Variants in RAB2A observed in about 807,000 individuals in gnomAD.
RAB2A encodes the protein ras-related protein Rab-2A.
In RAB2A, 7 loss-of-function variants were observed where a neutral mutation model predicts 32.5. The ratio of observed to expected loss-of-function variants is 0.22; its 90% confidence interval spans 0.12 to 0.40. The LOEUF is 0.40. RAB2A is among the 10% of genes least tolerant of loss of function. The pLI is 1.00. For missense variants in RAB2A, 108 were observed against 260.7 expected (o/e 0.41, Z 4.03); for synonymous variants, 79 against 85.2 (o/e 0.93, Z 0.40).
chr8:60,583,103 G>A (rs1248664335), intron 3 of RAB2A, among the ~76,000 whole-genome samples: 1 of 150,518 alleles, frequency 6.6e-6, no homozygotes, highest in Non-Finnish European at 1.5e-5. Flanking sequence ...ATTGTAGAGT[G>A]TTGAGTGTTA....
Position 60,613,502 on chromosome 8 carries a change from A to T in RAB2A, c.475-5078A>T, listed in dbSNP as rs16926315. Among the ~76,000 whole-genome samples the T allele has an allele frequency of 5.4e-3, 821 of 152,320 alleles. 6 individuals carry two copies. Among genetic ancestry groups the T allele is most frequent in the African/African-American group, 0.019 (776 of 41,564 alleles). On this transcript the variant is annotated intron_variant, in intron 6 of 7. Coordinates refer to ENST00000262646, the MANE Select transcript of RAB2A (RefSeq NM_002865.3). Reference sequence around the variant, plus strand: ...TATGTTGCAGTTATAATTGAACATTAAAAAAGCACATATTTCCCACGTTAT... The same window carrying T: ...TATGTTGCAGTTATAATTGAACATTTAAAAAGCACATATTTCCCACGTTAT...
Position 60,623,331 on chromosome 8 carries a change from T to G in RAB2A, c.*2562T>G, listed in dbSNP as rs184729393. On this transcript the variant is annotated 3_prime_UTR_variant, in exon 8 of 8. Coordinates refer to ENST00000262646, the MANE Select transcript of RAB2A (RefSeq NM_002865.3). ...CTAATGGTCAAAAAGAGTTAGGATA[T>G]AAATCGTACCAAAATGTTTCCAATC... is the stretch of plus-strand genomic sequence containing the variant. 2.8e-4 allele frequency: 43 copies of G among 152,330 alleles called. No homozygotes were observed. Among genetic ancestry groups the G allele is most frequent in the Non-Finnish European group, 5.1e-4 (35 of 68,018 alleles). The allele number at this position is 152,330 out of a possible 1,614,324, so 9.4% of individuals were successfully genotyped here.
At chr8:60,603,004 G>A (rs2150433524) in intron 6 of RAB2A, among the ~76,000 whole-genome samples, 1 of 152,256 alleles carries the variant, frequency 6.6e-6, no homozygotes, top group South Asian at 2.1e-4. Flanking sequence ...TCATGTGATG[G>A]GTTAAGAATA....
intron 6 of RAB2A, among the ~76,000 whole-genome samples, chr8:60,592,999 G>A (rs115642546): frequency 2.2e-3 from 335 of 152,332 alleles, no homozygotes; most frequent in African/African-American, 7.5e-3. Flanking sequence ...CAGCTAGCAT[G>A]TGCCTTCAAT....
At chr8:60,542,189 G>A (rs972703701) in intron 1 of RAB2A, among the ~76,000 whole-genome samples, 2 of 152,154 alleles carry the variant, frequency 1.3e-5, no homozygotes, top group Non-Finnish European at 2.9e-5. Context: ...GAGTAGCTGA[G>A]TAGACAAAAG....
intron 1 of RAB2A, among the ~76,000 whole-genome samples, chr8:60,532,554 A>C (rs1807493293): frequency 6.6e-6 from 1 of 151,992 alleles, no homozygotes. Context: ...TCTGTTCCCC[A>C]GGGTGGAGTG....
At chr8:60,547,806 A>T (rs1807764732) in intron 1 of RAB2A, among the ~76,000 whole-genome samples, 1 of 103,168 alleles carries the variant, frequency 9.7e-6, no homozygotes, top group South Asian at 3.8e-4. Flanking sequence ...CACTTCCCGG[A>T]TGGGGCGGCT....
intron 6 of RAB2A, among the ~76,000 whole-genome samples, chr8:60,593,086 A>G (rs1366267711): frequency 6.6e-6 from 1 of 152,230 alleles, no homozygotes. Flanking sequence ...CTAAAAATTG[A>G]CTACAGTAAT....
chr8:60,563,014 T>TA (rs5891768), intron 2 of RAB2A, among the ~76,000 whole-genome samples: 78,474 of 149,938 alleles, frequency 0.52, 21,160 homozygotes, highest in Non-Finnish European at 0.61. Context: ...CTTTCAGAGA[T>TA]AAAAAAAAAA....
At chr8:60,523,961 T>TAC (rs1228605263) in intron 1 of RAB2A, among the ~76,000 whole-genome samples, 3 of 152,184 alleles carry the variant, frequency 2.0e-5, no homozygotes, top group Admixed American at 6.6e-5. Flanking sequence ...ATTTTTGCTT[T>TAC]ATATATATTA....
At chr8:60,543,494 A>G (rs1172913417) in intron 1 of RAB2A, among the ~76,000 whole-genome samples, 1 of 149,282 alleles carries the variant, frequency 6.7e-6, no homozygotes, top group Non-Finnish European at 1.5e-5. Context: ...CCTTTCTCCT[A>G]GGACACTTGT....
chr8:60,521,640 G>A (rs576765155), intron 1 of RAB2A, among the ~76,000 whole-genome samples: 45 of 152,064 alleles, frequency 3.0e-4, no homozygotes, highest in African/African-American at 1.1e-3. Context: ...TTTTTTTTGA[G>A]ATGGAGTTTT....
intron 6 of RAB2A, among the ~76,000 whole-genome samples, chr8:60,602,313 A>G (rs935232450): frequency 2.0e-5 from 3 of 152,214 alleles, no homozygotes; most frequent in East Asian, 1.9e-4. Context: ...CAAATGCCAG[A>G]AATATTTTTA....
rs1308788867 is a variant in RAB2A at position 60,551,235 on chromosome 8, G to T, written c.47-7617G>T. On this transcript the variant is annotated intron_variant, in intron 1 of 7. Coordinates refer to ENST00000262646, the MANE Select transcript of RAB2A (RefSeq NM_002865.3). Reference sequence around the variant, plus strand: ...CTTCTGTATACATGTACACATTTGTGCACACATGTTGGGAAAAAACAAGTT... The same window carrying T: ...CTTCTGTATACATGTACACATTTGTTCACACATGTTGGGAAAAAACAAGTT... Among the ~76,000 whole-genome samples the T allele has an allele frequency of 2.0e-5, 3 of 152,216 alleles. No individual in the cohort carries two copies. The East Asian group carries it at 5.8e-4, about 29-fold the overall frequency.
At chr8:60,517,361 C>A in intron 1 of RAB2A, 108 bp downstream of exon 1, 1 of 1,056,554 alleles carries the variant, frequency 9.5e-7, no homozygotes, top group Non-Finnish European at 1.3e-6. Flanking sequence ...CCGGCGCCTC[C>A]CTCCTGGCCG....
chr8:60,588,492 CTCAGCTA>C (rs1275962498), intron 5 of RAB2A, among the ~76,000 whole-genome samples: 1 of 152,140 alleles, frequency 6.6e-6, no homozygotes, highest in African/African-American at 2.4e-5. Flanking sequence ...CAGACTACAA[CTCAGCTA>C]TAAAGAGGAA....
chr8:60,565,986 T>TACA (rs1431627026), intron 2 of RAB2A, among the ~76,000 whole-genome samples: 1 of 152,186 alleles, frequency 6.6e-6, no homozygotes, highest in Non-Finnish European at 1.5e-5. Flanking sequence ...GTGCTGGGAT[T>TACA]ACAGGCGTGA....
At chr8:60,563,421 T>G (rs1808053380) in intron 2 of RAB2A, among the ~76,000 whole-genome samples, 1 of 152,206 alleles carries the variant, frequency 6.6e-6, no homozygotes, top group Non-Finnish European at 1.5e-5. Flanking sequence ...TGAATCATAA[T>G]TTGCATTTTA....
At chr8:60,535,558 A>G (rs1016011892) in intron 1 of RAB2A, among the ~76,000 whole-genome samples, 1 of 152,188 alleles carries the variant, frequency 6.6e-6, no homozygotes, top group African/African-American at 2.4e-5. Flanking sequence ...CTGAACTACC[A>G]TTTGTCAGCT....
Sources: gnomAD v4.1 joint callset for allele counts (sites outside exome capture counted in the v4.1 genomes callset) on GRCh38, gnomAD v4.1.1 for gene constraint, MANE v1.5 for transcripts, NCBI Gene and HGNC (gene_info 2026-07-23, HGNC 2026-07-21) for gene names.